The following MRTFA variants were observed in gnomAD, a reference collection of about 807,000 sequenced individuals.
The protein encoded by MRTFA is myocardin related transcription factor A.
MRTFA carries 20 observed loss-of-function variants against 83.5 expected under a neutral mutation model. That is an observed-to-expected ratio of 0.24 (90% CI 0.17 to 0.35). The LOEUF (loss-of-function observed/expected upper bound fraction) is 0.35. Among genes scored for constraint, MRTFA ranks in the 10% least tolerant of loss-of-function variants. MRTFA has a pLI of 1.00. For missense variants in MRTFA, 1,200 were observed against 1,224.7 expected, an observed-to-expected ratio of 0.98 and a Z score of 0.30; for synonymous variants, 659 against 541.2, an observed-to-expected ratio of 1.22 and a Z score of -3.02.
At chr22:40,525,777 C>G (rs1290102775) in intron 3 of MRTFA, among the ~76,000 whole-genome samples, 1 of 151,950 alleles carries the variant, frequency 6.6e-6, no homozygotes, top group Non-Finnish European at 1.5e-5. Context: ...AATGATTTTG[C>G]TAAATCACCC....
chr22:40,539,453 C>T (rs1387101569), intron 3 of MRTFA, among the ~76,000 whole-genome samples: 2 of 150,168 alleles, frequency 1.3e-5, no homozygotes, highest in African/African-American at 4.9e-5. Context: ...GATTCTCCTG[C>T]CTTAGCCTCC....
chr22:40,475,612 C>A (rs1233400129), intron 3 of MRTFA, among the ~76,000 whole-genome samples: 2 of 152,240 alleles, frequency 1.3e-5, no homozygotes, highest in Admixed American at 1.3e-4. Context: ...AGCTAGCACA[C>A]ATGCCAAGAG....
Position 40,502,427 on chromosome 22 carries a change from G to A in MRTFA, c.242-39141C>T, listed in dbSNP as rs1393660345. The stretch of plus-strand genomic sequence containing the variant: ...GCGCTCCTCACATCCCAGATGGGGC[G>A]GCGGGGCAGAGGCGCTCCCCACATC... On this transcript the variant is annotated intron_variant, in intron 3 of 14. Transcript: ENST00000355630. Among the ~76,000 whole-genome samples the A allele has an allele frequency of 6.2e-5, 8 of 128,392 alleles. 1 individual carries two copies. In the South Asian group the frequency reaches 1.7e-3, roughly 27 times the overall value. 84.2% of individuals were successfully genotyped at this position (128,392 alleles called of 152,430 possible).
intron 3 of MRTFA, among the ~76,000 whole-genome samples, chr22:40,498,271 ATATT>A (rs1213068062): frequency 7.4e-5 from 6 of 81,624 alleles, no homozygotes; most frequent in African/African-American, 3.4e-4. Context: ...ATATATATAT[ATATT>A]TTTTTTTTTT....
chr22:40,494,890 T>C (rs2054325857), intron 3 of MRTFA, among the ~76,000 whole-genome samples: 1 of 152,136 alleles, frequency 6.6e-6, no homozygotes. Context: ...AAGGAGACTC[T>C]ACAAAGAGGC....
intron 3 of MRTFA, among the ~76,000 whole-genome samples, chr22:40,473,268 T>A (rs2053944503): frequency 6.6e-6 from 1 of 152,118 alleles, no homozygotes; most frequent in South Asian, 2.1e-4. Flanking sequence ...CAAACAATCC[T>A]CCCACCTCAG....
intron 3 of MRTFA, among the ~76,000 whole-genome samples, chr22:40,519,140 T>C (rs1255659905): frequency 6.6e-6 from 1 of 151,934 alleles, no homozygotes; most frequent in African/African-American, 2.4e-5. Flanking sequence ...TCTCTTTTAA[T>C]AAAGTTAGTC....
At chr22:40,519,319 G>T (rs747696967) in intron 3 of MRTFA, 1 of 834,572 alleles carries the variant, frequency 1.2e-6, no homozygotes, top group Non-Finnish European at 1.8e-6. Flanking sequence ...CACCTATAGA[G>T]ATGGTCCTTC....
At chr22:40,430,175 A>G (rs1722178064) in intron 6 of MRTFA, among the ~76,000 whole-genome samples, 1 of 152,180 alleles carries the variant, frequency 6.6e-6, no homozygotes, top group African/African-American at 2.4e-5. Flanking sequence ...GTTCTCTTCC[A>G]GCCCCAAAAA....
chr22:40,566,009 T>C (rs1272786360), intron 2 of MRTFA, among the ~76,000 whole-genome samples: 1 of 152,108 alleles, frequency 6.6e-6, no homozygotes, highest in East Asian at 1.9e-4. Flanking sequence ...ACCTCATGCC[T>C]CTATGGCTCT....
chr22:40,561,489 TA>T (rs58076826), intron 2 of MRTFA, among the ~76,000 whole-genome samples: 1,611 of 112,400 alleles, frequency 0.014, 11 homozygotes, highest in African/African-American at 0.024. Context: ...AAACTATGTC[TA>T]AAAAAAAAAA....
At position 40,614,243 on chromosome 22, in the gene MRTFA, A is replaced by T. The variant is rs533494863; in HGVS notation, c.-83-19508T>A. Among the ~76,000 whole-genome samples the T allele has an allele frequency of 8.5e-4, 129 of 151,204 alleles. No individual in the cohort carries two copies. The South Asian group carries it at 0.011, about 13-fold the overall frequency. ...TAAATAAATAAATAAAAAATAAAAA[A>T]AAATAAAAAAATTTTATGTTAGCCA... On this transcript the variant is annotated intron_variant, in intron 1 of 14. Coordinates refer to ENST00000355630, the MANE Select transcript of MRTFA (RefSeq NM_020831.6).
chr22:40,449,643 T>C (rs1569271418), intron 4 of MRTFA, among the ~76,000 whole-genome samples: 1 of 152,248 alleles, frequency 6.6e-6, no homozygotes, highest in African/African-American at 2.4e-5. Context: ...GAATTTTATT[T>C]GCTTATTCTC....
intron 2 of MRTFA, among the ~76,000 whole-genome samples, chr22:40,591,032 G>A (rs1420100715): frequency 6.6e-6 from 1 of 152,152 alleles, no homozygotes; most frequent in South Asian, 2.1e-4. Flanking sequence ...CTACTCAGGA[G>A]GCTGAGGCAG....
chr22:40,555,829 G>C (rs541706333), intron 2 of MRTFA, among the ~76,000 whole-genome samples: 3 of 151,514 alleles, frequency 2.0e-5, no homozygotes, highest in Non-Finnish European at 4.4e-5. Context: ...TAGTAGAGAC[G>C]GGGTTTCACC....
At chr22:40,595,325 G>T (rs1222436047) in intron 1 of MRTFA, among the ~76,000 whole-genome samples, 1 of 151,622 alleles carries the variant, frequency 6.6e-6, no homozygotes. Flanking sequence ...GTTTCACCAT[G>T]TTGGCCAGGA....
At chr22:40,547,643 G>A (rs1446139957) in intron 3 of MRTFA, among the ~76,000 whole-genome samples, 2 of 152,060 alleles carry the variant, frequency 1.3e-5, no homozygotes, top group African/African-American at 4.8e-5. Flanking sequence ...CTTGAGGTTA[G>A]GAGTTCAAGA....
chr22:40,440,194 A>G (rs2053249953), intron 4 of MRTFA, among the ~76,000 whole-genome samples: 1 of 151,958 alleles, frequency 6.6e-6, no homozygotes, highest in South Asian at 2.1e-4. Context: ...ATAATGACCA[A>G]TCCCAAAAGA....
At chr22:40,477,175 C>CAAAA (rs55932110) in intron 3 of MRTFA, among the ~76,000 whole-genome samples, 1 of 59,626 alleles carries the variant, frequency 1.7e-5, no homozygotes, top group African/African-American at 6.3e-5. Flanking sequence ...ACTAAAAATA[C>CAAAA]AAAAAAAAAA....
Sources: gnomAD v4.1 joint callset for allele counts (sites outside exome capture counted in the v4.1 genomes callset) on GRCh38, gnomAD v4.1.1 for gene constraint, MANE v1.5 for transcripts, NCBI Gene and HGNC (gene_info 2026-07-23, HGNC 2026-07-21) for gene names.